HDAC9: variants seen among roughly 807,000 people sequenced by gnomAD.
The protein encoded by HDAC9 is MEF-2 interacting transcription repressor (MITR) protein.
HDAC9 carries 41 observed loss-of-function variants against 139.4 expected under a neutral mutation model. The observed-to-expected ratio is 0.29, with a 90% CI of 0.23 to 0.38. HDAC9 has a LOEUF of 0.38. Ranked by LOEUF, HDAC9 falls within the 10% of genes least tolerant of loss-of-function variation. The pLI is 1.00. For synonymous variants in HDAC9, 517 were observed against 476.2 expected (o/e 1.09, Z -1.12); for missense variants, 1,147 against 1,297.0 (o/e 0.88, Z 1.78).
intron 12 of HDAC9, among the ~76,000 whole-genome samples, chr7:18,673,954 G>C (rs141908367): frequency 3.3e-5 from 5 of 152,090 alleles, no homozygotes; most frequent in Non-Finnish European, 7.4e-5. Flanking sequence ...TTCACTTACC[G>C]CTCCATTCTC....
intron 1 of HDAC9, among the ~76,000 whole-genome samples, chr7:18,348,547 T>G (rs1043030779): frequency 6.6e-6 from 1 of 152,174 alleles, no homozygotes; most frequent in Non-Finnish European, 1.5e-5. Flanking sequence ...ATAATTTAAT[T>G]ATTTCTATTA....
chr7:18,392,919 CAAAAAAAAAAA>C (rs773532939), intron 1 of HDAC9, among the ~76,000 whole-genome samples: 5 of 44,558 alleles, frequency 1.1e-4, no homozygotes, highest in Admixed American at 9.1e-4. Flanking sequence ...CCATGACTGG[CAAAAAAAAAAA>C]AAAAAAAAAA....
chr7:18,098,824 A>G (rs1300120357), intron 1 of HDAC9, among the ~76,000 whole-genome samples: 1 of 152,222 alleles, frequency 6.6e-6, no homozygotes, highest in Non-Finnish European at 1.5e-5. Context: ...ATTCAGTAGC[A>G]ATATATAGAA....
chr7:18,171,835 G>A (rs1042446822), intron 2 of HDAC9, among the ~76,000 whole-genome samples: 7 of 152,166 alleles, frequency 4.6e-5, no homozygotes, highest in African/African-American at 1.7e-4. Flanking sequence ...ATGTGCTGCT[G>A]GATTTGGTTT....
chr7:18,683,680 TATTGA>T (rs1782050837), intron 12 of HDAC9, among the ~76,000 whole-genome samples: 1 of 152,116 alleles, frequency 6.6e-6, no homozygotes, highest in Non-Finnish European at 1.5e-5. Flanking sequence ...CTTATAGGTA[TATTGA>T]GTGAGCTGTT....
At chr7:18,885,025 A>C (rs1800027528) in intron 22 of HDAC9, among the ~76,000 whole-genome samples, 1 of 152,244 alleles carries the variant, frequency 6.6e-6, no homozygotes, top group Non-Finnish European at 1.5e-5. Flanking sequence ...GTCATGCAGT[A>C]GATATGTAAA....
chr7:18,720,965 C>T (rs947765733), intron 12 of HDAC9, among the ~76,000 whole-genome samples: 7 of 152,072 alleles, frequency 4.6e-5, no homozygotes, highest in Admixed American at 1.3e-4. Context: ...TAGTGTGAGC[C>T]GCTGTGCCCA....
chr7:18,710,765 C>T (rs921021522), intron 12 of HDAC9, among the ~76,000 whole-genome samples: 4 of 151,982 alleles, frequency 2.6e-5, no homozygotes, highest in African/African-American at 7.3e-5. Flanking sequence ...CAAGGAAAGC[C>T]GCTGAAGTTT....
chr7:18,811,929 A>C lies in HDAC9; in HGVS notation c.2323-17232A>C, dbSNP rs577987686. Among the ~76,000 whole-genome samples the C allele has an allele frequency of 2.0e-5, 3 of 151,838 alleles. No individual in the cohort carries two copies. In the East Asian group the frequency reaches 5.8e-4, roughly 29 times the overall value. On this transcript the variant is annotated intron_variant, in intron 17 of 25. Transcript: ENST00000686413. ...TCATCCCTTGATATATTCACAGGGG[A>C]TTGGTTTTAGAACCCCCCTTAAATA...
intron 1 of HDAC9, among the ~76,000 whole-genome samples, chr7:18,461,374 A>C (rs2128110108): frequency 6.6e-6 from 1 of 152,294 alleles, no homozygotes; most frequent in Non-Finnish European, 1.5e-5. Context: ...TTTTAGTGGA[A>C]GTGTTTATTG....
At chr7:18,852,936 TAATG>T (rs1797411008) in intron 21 of HDAC9, among the ~76,000 whole-genome samples, 1 of 151,002 alleles carries the variant, frequency 6.6e-6, no homozygotes. Context: ...CGAGGAAAAA[TAATG>T]AAGTCAATCC....
intron 21 of HDAC9, among the ~76,000 whole-genome samples, chr7:18,850,076 C>A (rs560749315): frequency 2.2e-5 from 3 of 134,692 alleles, no homozygotes; most frequent in Non-Finnish European, 3.1e-5. Flanking sequence ...CTTTAAAAGC[C>A]TGAGTAAAAA....
chr7:18,129,124 T>C (rs1012563026), intron 1 of HDAC9, among the ~76,000 whole-genome samples: 2 of 152,170 alleles, frequency 1.3e-5, no homozygotes, highest in African/African-American at 4.8e-5. Flanking sequence ...CGTGTCTTCC[T>C]CTTACCTACT....
chr7:18,745,130 A>G (rs1787820955), intron 13 of HDAC9, among the ~76,000 whole-genome samples: 1 of 152,186 alleles, frequency 6.6e-6, no homozygotes, highest in Non-Finnish European at 1.5e-5. Context: ...TTCTCACCCT[A>G]TAAGTCCATG....
At chr7:18,845,894 G>A (rs1796872013) in intron 21 of HDAC9, among the ~76,000 whole-genome samples, 1 of 152,120 alleles carries the variant, frequency 6.6e-6, no homozygotes, top group African/African-American at 2.4e-5. Context: ...TTTGTTCCAG[G>A]AGGAGTTTGC....
intron 1 of HDAC9, among the ~76,000 whole-genome samples, chr7:18,406,889 A>G (rs1435152186): frequency 6.6e-6 from 1 of 152,014 alleles, no homozygotes; most frequent in Non-Finnish European, 1.5e-5. Flanking sequence ...ATAAAGATGT[A>G]TTGCTTAAAA....
At chr7:18,285,608 T>C (rs1002183031), upstream of HDAC9, among the ~76,000 whole-genome samples, 8 of 152,132 alleles carry the variant, frequency 5.3e-5, no homozygotes, top group African/African-American at 1.9e-4. Context: ...TTTCACATCA[T>C]GTGCTTGTCA....
intron 21 of HDAC9, among the ~76,000 whole-genome samples, chr7:18,844,403 A>G (rs1232663379): frequency 1.3e-5 from 2 of 152,194 alleles, no homozygotes; most frequent in African/African-American, 4.8e-5. Context: ...TTCAGTCCCC[A>G]TTTAAGCACA....
At chr7:18,412,605 G>C (rs1328963749) in intron 1 of HDAC9, among the ~76,000 whole-genome samples, 1 of 152,174 alleles carries the variant, frequency 6.6e-6, no homozygotes, top group Non-Finnish European at 1.5e-5. Context: ...GAAGTAACTT[G>C]CTGGCCGTTG....
Sources: gnomAD v4.1 joint callset for allele counts (sites outside exome capture counted in the v4.1 genomes callset) on GRCh38, gnomAD v4.1.1 for gene constraint, MANE v1.5 for transcripts, NCBI Gene and HGNC (gene_info 2026-07-23, HGNC 2026-07-21) for gene names.